MACROD1: variants seen among roughly 807,000 people sequenced by gnomAD.
MACROD1 encodes the protein mono-ADP ribosylhydrolase 1.
MACROD1 carries 31 observed loss-of-function variants against 41.4 expected under a neutral mutation model. The ratio of observed to expected loss-of-function variants is 0.75; its 90% CI spans 0.56 to 1.01. The LOEUF (loss-of-function observed/expected upper bound fraction) is 1.01, where lower values mean the gene tolerates loss of function less well. Ranked by LOEUF, MACROD1 falls within the 50% of genes least tolerant of loss-of-function variation. The pLI is 0.00. For missense variants in MACROD1, 473 were observed against 460.0 expected (o/e 1.03, Z -0.26); for synonymous variants, 252 against 203.4 (o/e 1.24, Z -2.03).
chr11:64,126,017 T>C (rs1945174286), intron 3 of MACROD1, among the ~76,000 whole-genome samples: 1 of 152,124 alleles, frequency 6.6e-6, no homozygotes, highest in Admixed American at 6.5e-5. Context: ...TCCAGGCCTC[T>C]CTCACCTTTC....
chr11:64,060,906 G>C (rs906089478), intron 3 of MACROD1, among the ~76,000 whole-genome samples: 1 of 151,994 alleles, frequency 6.6e-6, no homozygotes, highest in Non-Finnish European at 1.5e-5. Flanking sequence ...GAGGCTCTTT[G>C]CATATTCATG....
At chr11:64,147,311 A>G (rs1434510351) in intron 3 of MACROD1, among the ~76,000 whole-genome samples, 5 of 151,922 alleles carry the variant, frequency 3.3e-5, no homozygotes, top group Admixed American at 1.3e-4. Flanking sequence ...GGCTCAAGCA[A>G]TCTTCCTGCC....
Position 64,101,336 on chromosome 11 carries a change from G to A in MACROD1, c.517+49903C>T, listed in dbSNP as rs1019640091. On this transcript the variant is annotated intron_variant, in intron 3 of 10. Transcript: ENST00000255681. ...TATGGGACGCTCTCAGGATAAAGCC[G>A]AGAAGCTATGGGAAGGGTCTGAGGT... 4.6e-5 allele frequency among the ~76,000 whole-genome samples: 7 copies of A among 152,298 alleles called. No individual in the cohort carries two copies. The East Asian group carries it at 7.7e-4, about 17-fold the overall frequency.
chr11:64,080,203 G>C (rs1944278823), intron 3 of MACROD1, among the ~76,000 whole-genome samples: 1 of 152,112 alleles, frequency 6.6e-6, no homozygotes, highest in African/African-American at 2.4e-5. Context: ...AGTAGAGACG[G>C]GGTATCAACA....
chr11:64,105,066 G>A (rs1342030824), intron 3 of MACROD1, among the ~76,000 whole-genome samples: 3 of 152,254 alleles, frequency 2.0e-5, no homozygotes, highest in Non-Finnish European at 4.4e-5. Flanking sequence ...TCAGCACGGC[G>A]CAGCATGCAT....
intron 3 of MACROD1, among the ~76,000 whole-genome samples, chr11:64,050,673 C>G (rs755446484): frequency 5.9e-5 from 9 of 152,232 alleles, no homozygotes; most frequent in African/African-American, 9.6e-5. Flanking sequence ...GGCTGGAGTG[C>G]AGTGGCGCGA....
At chr11:64,156,191 G>A (rs1213729539) in intron 1 of MACROD1, among the ~76,000 whole-genome samples, 2 of 152,110 alleles carry the variant, frequency 1.3e-5, no homozygotes, top group Non-Finnish European at 1.5e-5. Flanking sequence ...TGAGGCAGGA[G>A]GATCGCTTCA....
At chr11:64,164,164 A>G (rs1945798990) in intron 1 of MACROD1, among the ~76,000 whole-genome samples, 1 of 152,244 alleles carries the variant, frequency 6.6e-6, no homozygotes. Flanking sequence ...GCCCTTGCCT[A>G]TCTGACACAT....
At chr11:64,099,556 G>A (rs1187945042) in intron 3 of MACROD1, among the ~76,000 whole-genome samples, 1 of 151,932 alleles carries the variant, frequency 6.6e-6, no homozygotes, top group Non-Finnish European at 1.5e-5. Flanking sequence ...AGAGATGGAT[G>A]GATGGATAGA....
At chr11:64,128,374 T>C (rs773275568) in intron 3 of MACROD1, among the ~76,000 whole-genome samples, 24 of 152,166 alleles carry the variant, frequency 1.6e-4, no homozygotes, top group Non-Finnish European at 3.1e-4. Context: ...GAGGGCCTGC[T>C]ATGCTCTGGG....
rs320144 is a variant in MACROD1, at chr11:64,040,424, C to T, written c.518-25143G>A. Among the ~76,000 whole-genome samples the T allele has an allele frequency of 9.1e-3, 1,378 of 152,194 alleles. 22 individuals are homozygous for T. Among genetic ancestry groups the T allele is most frequent in the African/African-American group, 0.031 (1,269 of 41,524 alleles). ...GGAGGGCAGAGGGGCTCAAGGCACC[C>T]GGCCAGGGCTGGGGCTGGTGGGCTG... On this transcript the variant is annotated intron_variant, in intron 3 of 10. Coordinates refer to ENST00000255681, the MANE Select transcript of MACROD1 (RefSeq NM_014067.4).
intron 3 of MACROD1, among the ~76,000 whole-genome samples, chr11:64,042,369 C>T (rs320135): frequency 0.04 from 6,080 of 152,228 alleles, 407 homozygotes; most frequent in African/African-American, 0.14. Flanking sequence ...TGCCCCCAGA[C>T]AGTGGCCATC....
At chr11:64,049,773 C>T (rs1019039579) in intron 3 of MACROD1, among the ~76,000 whole-genome samples, 2 of 152,196 alleles carry the variant, frequency 1.3e-5, no homozygotes, top group African/African-American at 4.8e-5. Context: ...GTGAAATGGG[C>T]GCCAGCCTGT....
At chr11:64,081,461 A>G (rs531093218) in intron 3 of MACROD1, among the ~76,000 whole-genome samples, 1 of 152,346 alleles carries the variant, frequency 6.6e-6, no homozygotes, top group East Asian at 1.9e-4. Context: ...AGGGATTGGC[A>G]GAGTGCCAGC....
intron 3 of MACROD1, among the ~76,000 whole-genome samples, chr11:64,128,516 C>T (rs1436392440): frequency 6.6e-6 from 1 of 152,056 alleles, no homozygotes; most frequent in Non-Finnish European, 1.5e-5. Context: ...ATAAGGAGGA[C>T]TAGGAGGCAA....
chr11:64,077,678 G>A (rs1280835225), intron 3 of MACROD1, among the ~76,000 whole-genome samples: 1 of 152,152 alleles, frequency 6.6e-6, no homozygotes, highest in East Asian at 1.9e-4. Flanking sequence ...CACCTGCCGT[G>A]CCCCCTTGTT....
chr11:64,116,495 C>T lies in MACROD1; in HGVS notation c.517+34744G>A, dbSNP rs200049740. 2.4e-4 allele frequency: 384 copies of T among 1,613,980 alleles called. 1 individual carries two copies. In the Middle Eastern group the frequency reaches 6.6e-3, roughly 28 times the overall value. On this transcript the variant is annotated intron_variant, in intron 3 of 10. Coordinates refer to ENST00000255681, the MANE Select transcript of MACROD1 (RefSeq NM_014067.4). ...ACGACCGGGGACTCACATCCATCCC[C>T]GCAGATATCCCTGATGATGCCACCA...
intron 4 of MACROD1, among the ~76,000 whole-genome samples, chr11:64,012,002 C>T (rs1325428515): frequency 6.6e-6 from 1 of 152,138 alleles, no homozygotes; most frequent in Non-Finnish European, 1.5e-5. Context: ...CCCTCCCCAC[C>T]ACCTCCACTG....
Position 64,082,312 on chromosome 11 carries a change from C to T in MACROD1, c.518-67031G>A, listed in dbSNP as rs76207697. On this transcript the variant is annotated intron_variant, in intron 3 of 10. Coordinates refer to ENST00000255681, the MANE Select transcript of MACROD1 (RefSeq NM_014067.4). The surrounding 1 kb of genome is among the most constrained non-coding windows in gnomAD (Gnocchi z 4.5). The stretch of plus-strand genomic sequence containing the variant: ...TCCTGCTCTGAGCAGCCAGCAGAGA[C>T]GCTGGGTGGAGGATGATCCGGGGGG... Among the ~76,000 whole-genome samples the T allele has an allele frequency of 2.6e-3, 398 of 151,952 alleles. 1 individual carries two copies. The highest frequency in any genetic ancestry group is 8.9e-3 in the African/African-American group (370 of 41,426).
Sources: gnomAD v4.1 joint callset for allele counts (sites outside exome capture counted in the v4.1 genomes callset) on GRCh38, gnomAD v4.1.1 for gene constraint, Gnocchi (gnomAD v3.1) non-coding constraint, MANE v1.5 for transcripts, NCBI Gene and HGNC (gene_info 2026-07-23, HGNC 2026-07-21) for gene names.